Variants in DDR2 observed in about 807,000 individuals in gnomAD.
The protein encoded by DDR2 is discoidin domain receptor tyrosine kinase 2.
Under a neutral mutation model 94.9 loss-of-function variants are expected in DDR2, and 27 were observed. That is an observed-to-expected ratio of 0.28 (90% confidence interval 0.21 to 0.39). DDR2 has a LOEUF of 0.39. Ranked by LOEUF, DDR2 falls within the 10% of genes least tolerant of loss-of-function variation. The pLI is 1.00. For missense variants in DDR2, 783 were observed against 1,076.0 expected, an observed-to-expected ratio of 0.73 and a Z score of 3.81; for synonymous variants, 382 against 377.2, an observed-to-expected ratio of 1.01 and a Z score of -0.15.
rs140444461 is a variant in DDR2 at position 162,732,267 on chromosome 1, C to A, written c.82+13122C>A. 4.9e-4 allele frequency among the ~76,000 whole-genome samples: 74 copies of A among 152,306 alleles called. No individual in the cohort carries two copies. In the East Asian group the frequency reaches 0.012, roughly 25 times the overall value. ...AACCCAAATAATCTTTCTTGGCCCC[C>A]CTGTGGAATCCCATTGTGTCAATAT... On this transcript the variant is annotated intron_variant, in intron 3 of 17. Coordinates refer to ENST00000367921, the MANE Select transcript of DDR2 (RefSeq NM_006182.4).
chr1:162,774,694 C>G (rs566280657), intron 14 of DDR2, among the ~76,000 whole-genome samples: 1 of 152,118 alleles, frequency 6.6e-6, no homozygotes, highest in Non-Finnish European at 1.5e-5. Context: ...TATGACAAAG[C>G]CTTTCTCCGT....
chr1:162,721,525 A>C (rs1469510660), intron 3 of DDR2, among the ~76,000 whole-genome samples: 1 of 152,242 alleles, frequency 6.6e-6, no homozygotes, highest in Non-Finnish European at 1.5e-5. Flanking sequence ...AGTGATAAAG[A>C]GTCTATCATG....
intron 15 of DDR2, 48 bp from the exon 16 acceptor site, chr1:162,776,088 C>T (rs1216580674): frequency 3.9e-6 from 6 of 1,522,752 alleles, no homozygotes; most frequent in South Asian, 2.3e-5. Context: ...CCTTTCACAT[C>T]TTCCTGTTTC....
Position 162,786,920 on chromosome 1 carries a change from C to G in DDR2, c.*6674C>G, listed in dbSNP as rs1229851175. 1 of 152,136 alleles carries G rather than the reference C, an allele frequency of 6.6e-6. No homozygotes were observed. The highest frequency in any genetic ancestry group is 6.5e-5 in the Admixed American group (1 of 15,272). 9.4% of individuals were successfully genotyped at this position (152,136 alleles called of 1,614,324 possible). On this transcript the variant is annotated 3_prime_UTR_variant, in exon 18 of 18. Transcript: ENST00000367921. Reference sequence around the variant, plus strand: ...GGTTACAGACTTGTCTTGTTTGATACACAGAAATCCTTTTTAAATCCAAAT... The same window carrying G: ...GGTTACAGACTTGTCTTGTTTGATAGACAGAAATCCTTTTTAAATCCAAAT...
At chr1:162,651,481 A>C (rs1657689222) in intron 1 of DDR2, among the ~76,000 whole-genome samples, 1 of 152,136 alleles carries the variant, frequency 6.6e-6, no homozygotes, top group Non-Finnish European at 1.5e-5. Flanking sequence ...GGGAACACTC[A>C]ACTGGCTTGA....
At chr1:162,775,561 T>A in intron 14 of DDR2, 91 bp from the exon 15 acceptor site, 2 of 1,377,118 alleles carry the variant, frequency 1.5e-6, no homozygotes, top group East Asian at 4.6e-5. Context: ...TTTGGCATAA[T>A]GTCCAGGAAT....
intron 9 of DDR2, among the ~76,000 whole-genome samples, chr1:162,762,868 G>A (rs1040640822): frequency 8.9e-4 from 136 of 152,092 alleles, no homozygotes; most frequent in African/African-American, 3.0e-3. Flanking sequence ...ACAGAGTCTC[G>A]CTCTGTCACC....
chr1:162,733,540 G>GT (rs1399756459), intron 3 of DDR2, among the ~76,000 whole-genome samples: 3 of 152,136 alleles, frequency 2.0e-5, no homozygotes, highest in South Asian at 2.1e-4. Context: ...GACTATTGCT[G>GT]ATTTACTAAG....
rs1324912200 is a variant in DDR2 at position 162,729,298 on chromosome 1, A to ATGTTTTTTT, written c.82+10154_82+10155insGTTTTTTTT. Among the ~76,000 whole-genome samples the ATGTTTTTTT allele has an allele frequency of 1.4e-3, 48 of 34,452 alleles. 1 individual carries two copies. Among genetic ancestry groups the ATGTTTTTTT allele is most frequent in the African/African-American group, 3.2e-3 (47 of 14,508 alleles). The allele number at this position is 34,452 out of a possible 152,430, so 22.6% of individuals were successfully genotyped here. A position where few individuals can be genotyped will look rare whatever the true frequency, so the allele number is the denominator to read the frequency against. ...TATCCATTTATATATATATATATATATATTTTTTTTTTTTTTTTTTTTCCT... is the reference window on the plus strand; with the variant it reads ...TATCCATTTATATATATATATATATATGTTTTTTTTATTTTTTTTTTTTTTTTTTTTCCT... On this transcript the variant is annotated intron_variant, in intron 3 of 17. Coordinates refer to ENST00000367921, the MANE Select transcript of DDR2 (RefSeq NM_006182.4).
chr1:162,760,361 TG>T (rs1663655369), intron 8 of DDR2, among the ~76,000 whole-genome samples: 1 of 146,024 alleles, frequency 6.8e-6, no homozygotes. Context: ...AGCACAGTTG[TG>T]TGTGTGTGTG....
intron 2 of DDR2, among the ~76,000 whole-genome samples, chr1:162,715,608 C>T (rs928154359): frequency 1.3e-5 from 2 of 152,130 alleles, no homozygotes; most frequent in African/African-American, 4.8e-5. Flanking sequence ...GAAGGAACAA[C>T]AAAAACAACA....
chr1:162,758,449 C>T (rs895888269), intron 7 of DDR2, among the ~76,000 whole-genome samples: 1 of 151,900 alleles, frequency 6.6e-6, no homozygotes, highest in Non-Finnish European at 1.5e-5. Context: ...TAATTTTGAC[C>T]AAGGGGGAAC....
intron 3 of DDR2, among the ~76,000 whole-genome samples, chr1:162,721,019 A>G (rs1198117378): frequency 6.6e-6 from 1 of 152,214 alleles, no homozygotes; most frequent in African/African-American, 2.4e-5. Flanking sequence ...GTTGCATCTC[A>G]GATCCTAACT....
At chr1:162,728,223 T>C in intron 3 of DDR2, among the ~76,000 whole-genome samples, 1 of 146,482 alleles carries the variant, frequency 6.8e-6, no homozygotes, top group African/African-American at 2.5e-5. Flanking sequence ...TATATATAGA[T>C]AGATATATCT....
In DDR2 at chr1:162,645,173, G is replaced by A. The variant is rs565094903; in HGVS notation, c.-191-10038G>A. On this transcript the variant is annotated intron_variant, in intron 1 of 17. Transcript: ENST00000367921. ...AACAGGCGGGGACTCCCTTCTTCAA[G>A]AGAGACAGGTGATGATAGAAGAGTA... Among the ~76,000 whole-genome samples the A allele has an allele frequency of 9.2e-5, 14 of 152,348 alleles. No homozygotes were observed. In the South Asian group the frequency reaches 1.0e-3, roughly 11 times the overall value.
At chr1:162,771,720 A>G (rs866705643) in intron 12 of DDR2, among the ~76,000 whole-genome samples, 6 of 152,318 alleles carry the variant, frequency 3.9e-5, no homozygotes, top group South Asian at 4.1e-4. Context: ...AACCTTTAAT[A>G]TTCCCACCCT....
intron 1 of DDR2, among the ~76,000 whole-genome samples, chr1:162,635,572 C>T (rs1656775305): frequency 6.6e-6 from 1 of 152,172 alleles, no homozygotes; most frequent in Non-Finnish European, 1.5e-5. Context: ...CTCTTTATAC[C>T]TCTTGCCCTG....
intron 3 of DDR2, among the ~76,000 whole-genome samples, chr1:162,743,611 C>T (rs981650865): frequency 1.3e-4 from 20 of 152,144 alleles, no homozygotes; most frequent in African/African-American, 4.8e-4. Context: ...GGTGAATGAA[C>T]ATAAAGGCCT....
chr1:162,770,556 G>C (rs369769333), intron 12 of DDR2, 44 bp downstream of exon 12: 48 of 1,582,172 alleles, frequency 3.0e-5, no homozygotes, highest in Non-Finnish European at 4.2e-5. Flanking sequence ...AGAAACCTCA[G>C]CAAGCATCAG....
Sources: gnomAD v4.1 joint callset for allele counts (sites outside exome capture counted in the v4.1 genomes callset) on GRCh38, gnomAD v4.1.1 for gene constraint, MANE v1.5 for transcripts, NCBI Gene and HGNC (gene_info 2026-07-23, HGNC 2026-07-21) for gene names.